The following MID2 variants were observed in gnomAD, a reference collection of about 807,000 sequenced individuals.
The protein encoded by MID2 is probable E3 ubiquitin-protein ligase MID2.
MID2 carries 13 observed loss-of-function variants against 46.1 expected under a neutral mutation model. The observed-to-expected ratio is 0.28, with a 90% CI of 0.18 to 0.45. MID2 has a LOEUF of 0.45. Ranked by LOEUF, MID2 falls within the 20% of genes least tolerant of loss-of-function variation. The pLI, the probability that MID2 is intolerant of heterozygous loss-of-function variation, is 1.00. For missense variants in MID2, 431 were observed against 575.4 expected, an observed-to-expected ratio of 0.75 and a Z score of 2.57; for synonymous variants, 199 against 212.3, an observed-to-expected ratio of 0.94 and a Z score of 0.55.
In MID2 at chrX:107,924,430, G is replaced by A. The variant is rs866967372; in HGVS notation, c.1523G>A (p.Arg508His). Residue 508 changes from arginine (R) to histidine (H), a missense_variant, in exon 8 of 10, where the codon CGC becomes CAC. By Grantham distance (29) the Arg-to-His change is conservative (BLOSUM62 0). Coordinates refer to ENST00000262843, the MANE Select transcript of MID2 (RefSeq NM_012216.4). ...GTGCATGGACTCCAGAGCGGGACTCGCTACATCTTCATCGTTAAAGCCATA... is the reference window on the plus strand; with the variant it reads ...GTGCATGGACTCCAGAGCGGGACTCACTACATCTTCATCGTTAAAGCCATA... Reference protein sequence around the residue: ...YTVHGLQSGTRYIFIVKAINQ... With the variant: ...YTVHGLQSGTHYIFIVKAINQ... The A allele has an allele frequency of 1.7e-6, 2 of 1,211,318 alleles. No individual in the cohort carries two copies. The highest frequency in any genetic ancestry group is 1.8e-5 in the South Asian group (1 of 56,975).
chrX:107,835,686 C>T (rs1931185545), intron 1 of MID2, among the ~76,000 whole-genome samples: 1 of 111,471 alleles, frequency 9.0e-6, no homozygotes, highest in African/African-American at 3.3e-5. Flanking sequence ...AATCCTTTGC[C>T]TACTATTAAA....
At chrX:107,850,939 A>G (rs1039958909) in intron 2 of MID2, among the ~76,000 whole-genome samples, 1 of 112,155 alleles carries the variant, frequency 8.9e-6, no homozygotes, top group African/African-American at 3.2e-5. Flanking sequence ...CATTATTCTC[A>G]TGGAATCCCA....
intron 2 of MID2, 61 bp from the exon 3 acceptor site, chrX:107,854,548 C>T (rs1931700004): frequency 5.9e-6 from 5 of 842,804 alleles, no homozygotes; most frequent in Non-Finnish European, 8.8e-6. Flanking sequence ...TTCTCAAGCT[C>T]ATGGTTCTTT....
chrX:107,885,414 T>C (rs892922386), intron 3 of MID2, among the ~76,000 whole-genome samples: 2 of 110,014 alleles, frequency 1.8e-5, no homozygotes, highest in Non-Finnish European at 3.8e-5. Flanking sequence ...GAATGATGGT[T>C]TCCAGCTTCA....
chrX:107,843,338 C>T (rs769433734), intron 2 of MID2, among the ~76,000 whole-genome samples: 29 of 111,722 alleles, frequency 2.6e-4, no homozygotes, highest in African/African-American at 9.4e-4. Flanking sequence ...TGAAAACATC[C>T]GAAAACATGA....
Position 107,840,682 on chromosome X carries a change from C to T in MID2, c.17C>T (p.Ala6Val). 8.3e-7 allele frequency: 1 copy of T among 1,207,676 alleles called. No homozygotes were observed. The highest frequency in any genetic ancestry group is 1.1e-6 in the Non-Finnish European group (1 of 892,337). Residue 6 changes from alanine (A) to valine (V), a missense_variant, in exon 2 of 10, where the codon GCC becomes GTC. Transcript: ENST00000262843. MGESP[A>V]SVVLNASGGL... is the part of the protein sequence containing the mutation. ...GTATTCCTTGCAGGTGAAAGCCCAG[C>T]CTCCGTGGTTCTTAATGCCTCAGGA...
chrX:107,845,519 A>ACTCT (rs1462079221), intron 2 of MID2, among the ~76,000 whole-genome samples: 86 of 82,098 alleles, frequency 1.0e-3, no homozygotes, highest in African/African-American at 1.6e-3. Flanking sequence ...ACACACACAC[A>ACTCT]CACACACTCT....
In MID2 at chrX:107,926,282, G is replaced by A. The variant is rs753851418; in HGVS notation, c.1786G>A (p.Val596Ile). 2.5e-6 allele frequency: 3 copies of A among 1,205,847 alleles called. No homozygotes were observed. The highest frequency in any genetic ancestry group is 1.8e-5 in the South Asian group (1 of 56,375). The change falls in exon 9 of 10, where the codon GTC (valine) becomes ATC (isoleucine). Residue 596 changes from valine to isoleucine, a missense_variant. Transcript: ENST00000262843. Reference sequence around the variant, plus strand: ...CAGTGGCTGCCACTATTGGGAGGTGGTCATGGGTTCCTCAACATGGTGAGT... The same window carrying A: ...CAGTGGCTGCCACTATTGGGAGGTGATCATGGGTTCCTCAACATGGTGAGT... ...IDSGCHYWEV[V>I]MGSSTWYAIG...
At chrX:107,831,297 C>T (rs757185656) in intron 1 of MID2, among the ~76,000 whole-genome samples, 16 of 111,867 alleles carry the variant, frequency 1.4e-4, no homozygotes, top group African/African-American at 4.9e-4. Flanking sequence ...GGTTGATGAA[C>T]GGCATCCCCA....
rs1250621513 is a variant in MID2, at chrX:107,834,284, TAACTAAATGGTTTGGAAGGG to T, written c.5-6379_5-6360del. ...ATACATATCTGACTATATATGGCAGTAACTAAATGGTTTGGAAGGGAACTAATCAGGGTGTGTGGATGTGG... is the reference window on the plus strand; with the variant it reads ...ATACATATCTGACTATATATGGCAGTAACTAATCAGGGTGTGTGGATGTGG... On this transcript the variant is annotated intron_variant, in intron 1 of 9. Transcript: ENST00000262843. 2.7e-5 allele frequency among the ~76,000 whole-genome samples: 3 copies of T among 112,019 alleles called. No individual in the cohort carries two copies. In the Admixed American group the frequency reaches 2.8e-4, roughly 11 times the overall value.
At chrX:107,894,858 T>A (rs933709084) in intron 3 of MID2, 7 of 39,964 alleles carry the variant, frequency 1.8e-4, no homozygotes, top group African/African-American at 4.0e-4. Flanking sequence ...TGTGTGTGTG[T>A]GTGTGTGAAA....
chrX:107,864,564 C>T (rs1326508353), intron 3 of MID2, among the ~76,000 whole-genome samples: 1 of 111,349 alleles, frequency 9.0e-6, no homozygotes, highest in Non-Finnish European at 1.9e-5. Flanking sequence ...TAGGGCTGTA[C>T]ATGACCATGT....
At chrX:107,915,890 T>C in intron 5 of MID2, 112 bp from the exon 6 acceptor site, 2 of 726,487 alleles carry the variant, frequency 2.8e-6, no homozygotes, top group Non-Finnish European at 4.0e-6. Flanking sequence ...TTTCACTAAA[T>C]AAATCAAGCC....
rs142324031 is a variant in MID2 at position 107,835,421 on chromosome X, C to T, written c.5-5249C>T. Among the ~76,000 whole-genome samples the T allele has an allele frequency of 3.8e-3, 421 of 112,155 alleles. 3 individuals carry two copies. Among genetic ancestry groups the T allele is most frequent in the African/African-American group, 0.013 (399 of 30,914 alleles). On this transcript the variant is annotated intron_variant, in intron 1 of 9. Transcript: ENST00000262843. ...TACATTTAGCCTTTTGAGGAACTGT[C>T]GAACTATTTCCCAAAAGCAGCTGCA...
intron 3 of MID2, among the ~76,000 whole-genome samples, chrX:107,891,614 T>C (rs922686113): frequency 6.3e-5 from 7 of 111,907 alleles, no homozygotes; most frequent in African/African-American, 2.3e-4. Flanking sequence ...CTTGGGGTTT[T>C]CCCCGTAGAA....
intron 2 of MID2, among the ~76,000 whole-genome samples, chrX:107,845,267 C>T (rs1931434786): frequency 9.0e-6 from 1 of 111,281 alleles, no homozygotes; most frequent in South Asian, 3.8e-4. Flanking sequence ...AGAGTGATGT[C>T]TTCACATTTC....
intron 4 of MID2, 85 bp downstream of exon 4, chrX:107,904,150 T>A: frequency 1.5e-6 from 1 of 665,535 alleles, no homozygotes; most frequent in Middle Eastern, 3.1e-4. Context: ...GGTTTGATCA[T>A]GAAATCAAGA....
intron 3 of MID2, among the ~76,000 whole-genome samples, chrX:107,889,214 C>T (rs940619005): frequency 9.0e-6 from 1 of 111,424 alleles, no homozygotes; most frequent in Admixed American, 9.6e-5. Context: ...TCTTCCTAGC[C>T]TCAATGGTCT....
At chrX:107,830,893 G>A (rs1278902762) in intron 1 of MID2, among the ~76,000 whole-genome samples, 2 of 111,214 alleles carry the variant, frequency 1.8e-5, no homozygotes, top group South Asian at 7.7e-4. Flanking sequence ...AGTTTTCTGT[G>A]GGCTTAAGTA....
Sources: allele counts gnomAD v4.1 joint callset (sites outside exome capture counted in the v4.1 genomes callset), GRCh38; gene constraint gnomAD v4.1.1; transcripts MANE v1.5; gene names NCBI Gene and HGNC (gene_info 2026-07-23, HGNC 2026-07-21).